PLA2G4E: variants seen among roughly 807,000 people sequenced by gnomAD.
PLA2G4E encodes phospholipase A2 group IVE.
A neutral mutation model predicts 109.1 loss-of-function variants in PLA2G4E; 84 were observed. The observed-to-expected ratio is 0.77, with a 90% confidence interval of 0.65 to 0.92. The LOEUF (loss-of-function observed/expected upper bound fraction) is 0.92, where lower values mean the gene tolerates loss of function less well. Among genes scored for constraint, PLA2G4E ranks in the 40% least tolerant of loss-of-function variants. PLA2G4E has a pLI of 0.00. For missense variants in PLA2G4E, 1,057 were observed against 1,076.6 expected (o/e 0.98, Z 0.25); for synonymous variants, 469 against 436.1 (o/e 1.08, Z -0.94).
intron 13 of PLA2G4E, among the ~76,000 whole-genome samples, chr15:41,992,320 C>T (rs527676109): frequency 1.8e-4 from 28 of 152,254 alleles, no homozygotes; most frequent in African/African-American, 6.5e-4. Flanking sequence ...GGAGGACCCT[C>T]CAAGGGCCTT....
At chr15:42,017,541 G>A (rs982284725) in intron 1 of PLA2G4E, among the ~76,000 whole-genome samples, 1 of 152,192 alleles carries the variant, frequency 6.6e-6, no homozygotes, top group Non-Finnish European at 1.5e-5. Context: ...CAGAGGCTAA[G>A]TCCTTTGACA....
intron 1 of PLA2G4E, among the ~76,000 whole-genome samples, chr15:42,036,943 A>G (rs73397872): frequency 0.013 from 1,926 of 152,178 alleles, 44 homozygotes; most frequent in African/African-American, 0.045. Flanking sequence ...GCCCACTCCG[A>G]TCTCAGAGCA....
chr15:42,010,738 A>T (rs142280187), intron 2 of PLA2G4E, among the ~76,000 whole-genome samples: 43 of 152,334 alleles, frequency 2.8e-4, no homozygotes, highest in African/African-American at 1.0e-3. Flanking sequence ...TGCTGGTTTC[A>T]GTTTTAATTT....
In PLA2G4E at chr15:41,992,518, C is replaced by T. The variant is rs533779786; in HGVS notation, c.1470+219G>A. ...GCCCTAGGCAGGTTTGCCTCCAACA[C>T]GAGGGTCTCAGCCATCCTCTAAAGG... On this transcript the variant is annotated intron_variant, in intron 13 of 19. Transcript: ENST00000399518. Among the ~76,000 whole-genome samples, 13 of 152,354 alleles carry T rather than the reference C, an allele frequency of 8.5e-5. No individual in the cohort carries two copies. In the East Asian group the frequency reaches 1.7e-3, roughly 20 times the overall value.
intron 2 of PLA2G4E, among the ~76,000 whole-genome samples, chr15:42,012,389 G>C (rs570967838): frequency 6.6e-6 from 1 of 152,208 alleles, no homozygotes; most frequent in East Asian, 1.9e-4. Flanking sequence ...TCCACACCTG[G>C]GACCAGACCC....
chr15:42,049,640 C>A (rs1484985380), intron 1 of PLA2G4E, among the ~76,000 whole-genome samples: 1 of 152,156 alleles, frequency 6.6e-6, no homozygotes, highest in Non-Finnish European at 1.5e-5. Context: ...AAGCCAGGGG[C>A]CAGATAGAAG....
rs201877668 is a variant in PLA2G4E at position 41,999,984 on chromosome 15, C to T, written c.869G>A (p.Arg290His). 3.2e-4 allele frequency: 523 copies of T among 1,609,272 alleles called. No homozygotes were observed. The highest frequency in any genetic ancestry group is 4.9e-4 in the South Asian group (44 of 89,702). Residue 290 changes from arginine to histidine, a missense_variant, in exon 9 of 20, where the codon CGC becomes CAC. Transcript: ENST00000399518. ...GGGCTGGCTGATGGGGCCCTTCTTGCGAGAGCGGCAGCAAAGCTGGAGGGA... is the reference window on the plus strand; with the variant it reads ...GGGCTGGCTGATGGGGCCCTTCTTGTGAGAGCGGCAGCAAAGCTGGAGGGA...
At chr15:42,039,542 T>C (rs201862095) in intron 1 of PLA2G4E, among the ~76,000 whole-genome samples, 1 of 152,060 alleles carries the variant, frequency 6.6e-6, no homozygotes, top group East Asian at 1.9e-4. Flanking sequence ...TGTACGTATA[T>C]ATATATATGA....
intron 1 of PLA2G4E, among the ~76,000 whole-genome samples, chr15:42,036,851 G>A (rs1231424246): frequency 6.6e-6 from 1 of 152,200 alleles, no homozygotes; most frequent in African/African-American, 2.4e-5. Context: ...GCTCTTGGGG[G>A]CCCTGGGAGT....
chr15:42,042,610 C>A (rs984162575), intron 1 of PLA2G4E, among the ~76,000 whole-genome samples: 1 of 152,194 alleles, frequency 6.6e-6, no homozygotes, highest in Non-Finnish European at 1.5e-5. Flanking sequence ...TTAAAAGTAT[C>A]TTCTCCCATG....
At position 42,006,051 on chromosome 15, in the gene PLA2G4E, T is replaced by C. The variant is rs768587633; in HGVS notation, c.464A>G (p.Tyr155Cys). ...TCGGAAACAGAGCTTGGTGAGGTCA[T>C]AGAGAACTGTCAGGAGATGGTCATC... is the stretch of plus-strand genomic sequence containing the variant. Residue 155 changes from tyrosine (Y) to cysteine (C), a missense_variant, in exon 4 of 20, where the codon TAT becomes TGT. Transcript: ENST00000399518. 5 of 1,613,848 alleles carry C rather than the reference T, an allele frequency of 3.1e-6. No individual in the cohort carries two copies. The Admixed American group carries it at 8.3e-5, about 27-fold the overall frequency.
chr15:42,009,138 T>C (rs1595567516), intron 2 of PLA2G4E: 1 of 152,182 alleles, frequency 6.6e-6, no homozygotes. Flanking sequence ...CTTTTAGATG[T>C]CATGATAATC....
chr15:42,002,824 C>A (rs2068436057), intron 5 of PLA2G4E, 128 bp from the exon 6 acceptor site: 1 of 926,172 alleles, frequency 1.1e-6, no homozygotes, highest in South Asian at 1.5e-5. Flanking sequence ...ATAAAAAATA[C>A]TAGCTTCGGA....
chr15:42,019,452 C>A (rs1957168988), intron 1 of PLA2G4E, among the ~76,000 whole-genome samples: 1 of 152,180 alleles, frequency 6.6e-6, no homozygotes, highest in African/African-American at 2.4e-5. Context: ...GCAAACCATC[C>A]CATGAAGTCT....
At chr15:42,036,978 T>A (rs1889228827) in intron 1 of PLA2G4E, among the ~76,000 whole-genome samples, 1 of 152,336 alleles carries the variant, frequency 6.6e-6, no homozygotes, top group South Asian at 2.1e-4. Context: ...CCAGGTGCTG[T>A]TGCAGCCTGG....
chr15:42,050,407 A>G lies in PLA2G4E; in HGVS notation c.183+114T>C, dbSNP rs1366137248. On this transcript the variant is annotated intron_variant, in intron 1 of 19. Coordinates refer to ENST00000399518, the Ensembl canonical transcript of PLA2G4E. Reference sequence around the variant, plus strand: ...GGACTCCTCCGGAGAGAAAGAAATGAACAAAAACCACAACCTCTTAACTCT... The same window carrying G: ...GGACTCCTCCGGAGAGAAAGAAATGGACAAAAACCACAACCTCTTAACTCT... 8 of 1,282,826 alleles carry G rather than the reference A, an allele frequency of 6.2e-6. No individual in the cohort carries two copies. The Admixed American group carries it at 1.9e-4, about 30-fold the overall frequency. The allele number at this position is 1,282,826 out of a possible 1,614,324, so 79.5% of individuals were successfully genotyped here. A position where few individuals can be genotyped will look rare whatever the true frequency, so the allele number is the denominator to read the frequency against.
At chr15:41,982,775 A>T (rs1046308945) in exon 20 of PLA2G4E, 16 of 152,356 alleles carry the variant, frequency 1.1e-4, no homozygotes, top group African/African-American at 3.6e-4. Context: ...TTGGAGCTGG[A>T]TGCTTGGGCA....
intron 18 of PLA2G4E, 132 bp from the exon 19 acceptor site, chr15:41,984,751 G>A: frequency 1.2e-6 from 1 of 854,128 alleles, no homozygotes; most frequent in African/African-American, 1.7e-5. Context: ...GCCAGTGTAT[G>A]GTATTTTGAG....
At chr15:42,024,387 T>A (rs574451899) in intron 1 of PLA2G4E, among the ~76,000 whole-genome samples, 13 of 152,248 alleles carry the variant, frequency 8.5e-5, no homozygotes, top group African/African-American at 2.9e-4. Context: ...AGCCCCAGGA[T>A]CCTCAGATCC....
Sources: allele counts gnomAD v4.1 joint callset (sites outside exome capture counted in the v4.1 genomes callset), GRCh38; gene constraint gnomAD v4.1.1; transcripts MANE v1.5; gene names NCBI Gene and HGNC (gene_info 2026-07-23, HGNC 2026-07-21).